The following NDOR1 variants were observed in gnomAD, a reference collection of about 807,000 sequenced individuals.
NDOR1 encodes the protein NADPH-dependent diflavin oxidoreductase 1.
In NDOR1, 61 loss-of-function variants were observed where a neutral mutation model predicts 67.2. That is an observed-to-expected ratio of 0.91 (90% CI 0.74 to 1.12). The LOEUF (loss-of-function observed/expected upper bound fraction) is 1.12. NDOR1 is among the 50% of genes most tolerant of loss of function. The pLI is 0.00. For missense variants in NDOR1, 878 were observed against 802.8 expected (o/e 1.09, Z -1.13); for synonymous variants, 378 against 343.7 (o/e 1.10, Z -1.10).
intron 2 of NDOR1, 85 bp downstream of exon 2, chr9:137,206,394 T>C: frequency 7.4e-7 from 1 of 1,357,406 alleles, no homozygotes; most frequent in Non-Finnish European, 1.1e-6. Flanking sequence ...GTGCAGTAAA[T>C]AGCTCTCCTT....
intron 6 of NDOR1, 53 bp downstream of exon 6, chr9:137,214,466 G>A (rs1303321490): frequency 1.6e-5 from 24 of 1,476,556 alleles, no homozygotes; most frequent in African/African-American, 5.1e-5. Context: ...CGTGGGTCTG[G>A]GGTTCGGAGG....
At position 137,212,605 on chromosome 9, in the gene NDOR1, T is replaced by C; in HGVS notation, c.311+6T>C. ...GGGGACTCCTCATACGCCAAGTGAG[T>C]AGGGGATGGGACAGTGGGCGGACGG... On this transcript the variant is annotated splice_donor_region_variant and intron_variant, in intron 3 of 13. Coordinates refer to ENST00000684003, the MANE Select transcript of NDOR1 (RefSeq NM_014434.4). The surrounding 1 kb of genome is among the most constrained non-coding windows in gnomAD (Gnocchi z 4.3). 3 of 1,609,862 alleles carry C rather than the reference T, an allele frequency of 1.9e-6. No individual in the cohort carries two copies. Among genetic ancestry groups the C allele is most frequent in the Non-Finnish European group, 1.7e-6 (2 of 1,176,430 alleles).
Position 137,213,950 on chromosome 9 carries a change from C to G in NDOR1, c.411-17C>G, listed in dbSNP as rs1835389059. The stretch of plus-strand genomic sequence containing the variant: ...CACGCAGGGTCCGCTCAGGCCAGCG[C>G]ACGTGCTCCCTCCCAGGCCCGACGC... On this transcript the variant is annotated splice_polypyrimidine_tract_variant and intron_variant, in intron 4 of 13. Transcript: ENST00000684003. 6.4e-7 allele frequency: 1 copy of G among 1,570,962 alleles called. No individual in the cohort carries two copies. Among genetic ancestry groups the G allele is most frequent in the Non-Finnish European group, 8.6e-7 (1 of 1,159,348 alleles).
rs767926013 is a variant in NDOR1 at position 137,216,012 on chromosome 9, G to T, written c.1549G>T (p.Glu517Ter). The change falls in exon 12 of 14, where the codon GAA becomes TAA. Residue 517 changes from glutamate to a stop codon, truncating the protein, a stop_gained. Coordinates refer to ENST00000684003, the MANE Select transcript of NDOR1 (RefSeq NM_014434.4). LOFTEE classifies it high-confidence loss of function. The stretch of plus-strand genomic sequence containing the variant: ...GACCCTCATCCCTGCCTTCTCCCGG[G>T]AACAGGTGTGTATGCTCAGGGGCTG... ...CLTLIPAFSR[E>*]QEQKVYVQHR... 6.8e-6 allele frequency: 11 copies of T among 1,613,562 alleles called. No individual in the cohort carries two copies. The highest frequency in any genetic ancestry group is 5.1e-6 in the Non-Finnish European group (6 of 1,180,020).
Position 137,215,392 on chromosome 9 carries a change from C to A in NDOR1, c.1174-15C>A. The A allele has an allele frequency of 1.2e-6, 2 of 1,600,342 alleles. No homozygotes were observed. Among genetic ancestry groups the A allele is most frequent in the Non-Finnish European group, 1.7e-6 (2 of 1,168,390 alleles). ...CAGCCTTGTTCCACCACCCCCACCC[C>A]GCCGTCCTCCCCAGACTCACCCCTC... On this transcript the variant is annotated splice_polypyrimidine_tract_variant and intron_variant, in intron 9 of 13. Coordinates refer to ENST00000684003, the MANE Select transcript of NDOR1 (RefSeq NM_014434.4).
At chr9:137,210,403 T>TG (rs1207326913) in intron 2 of NDOR1, among the ~76,000 whole-genome samples, 1 of 151,872 alleles carries the variant, frequency 6.6e-6, no homozygotes, top group African/African-American at 2.4e-5. Context: ...TTTTTTTTTT[T>TG]TGTATTTTTT....
At chr9:137,211,616 C>T (rs562848525) in intron 2 of NDOR1, among the ~76,000 whole-genome samples, 4 of 151,700 alleles carry the variant, frequency 2.6e-5, no homozygotes, top group Admixed American at 2.0e-4. Context: ...AACAGCAGGG[C>T]GCTAGGGAGG....
Position 137,215,991 on chromosome 9 carries a change from C to G in NDOR1, c.1528C>G (p.Leu510Val), listed in dbSNP as rs112987747. Residue 510 changes from leucine (L) to valine (V), a missense_variant, in exon 12 of 14, where the codon CTC becomes GTC. Transcript: ENST00000684003. ...GCTGGAGAAGCGGGACTGTCTGACC[C>G]TCATCCCTGCCTTCTCCCGGGAACA... ...QELEKRDCLTLIPAFSREQEQ... is the reference protein window; with the variant it reads ...QELEKRDCLTVIPAFSREQEQ... 29 of 1,613,406 alleles carry G rather than the reference C, an allele frequency of 1.8e-5. No homozygotes were observed. In the African/African-American group the frequency reaches 2.7e-4, roughly 15 times the overall value.
At position 137,213,971 on chromosome 9, in the gene NDOR1, G is replaced by A. The variant is rs930354664; in HGVS notation, c.415G>A (p.Asp139Asn). Reference sequence around the variant, plus strand: ...AGCGCACGTGCTCCCTCCCAGGCCCGACGCTGCTGTGGACCCCTGGCTGCG... The same window carrying A: ...AGCGCACGTGCTCCCTCCCAGGCCCAACGCTGCTGTGGACCCCTGGCTGCG... ...LGDDQHELGP[D>N]AAVDPWLRDL... Residue 139 changes from aspartate to asparagine, a missense_variant, in exon 5 of 14, where the codon GAC becomes AAC. Coordinates refer to ENST00000684003, the MANE Select transcript of NDOR1 (RefSeq NM_014434.4). The A allele has an allele frequency of 4.5e-6, 7 of 1,560,866 alleles. No homozygotes were observed. In the African/African-American group the frequency reaches 5.4e-5, roughly 12 times the overall value.
intron 2 of NDOR1, among the ~76,000 whole-genome samples, chr9:137,211,636 G>C (rs374354448): frequency 4.2e-4 from 64 of 152,296 alleles, no homozygotes; most frequent in African/African-American, 1.3e-3. Context: ...GGTCTCGGGG[G>C]CAAGAGGCTG....
In NDOR1 at chr9:137,214,977, C is replaced by T; in HGVS notation, c.1024C>T (p.Leu342Phe). The T allele has an allele frequency of 6.2e-7, 1 of 1,613,490 alleles. No individual in the cohort carries two copies. Among genetic ancestry groups the T allele is most frequent in the East Asian group, 2.2e-5 (1 of 44,872 alleles). The stretch of plus-strand genomic sequence containing the variant: ...CAGTTCTGCCCAAGGCCAGGAGGAG[C>T]TCTTTGAATACTGCAACCGGCCCCG... ...EFSSAQGQEE[L>F]FEYCNRPRRT... The change falls in exon 8 of 14, where the codon CTC (leucine) becomes TTC (phenylalanine). Residue 342 changes from leucine to phenylalanine, a missense_variant. Physicochemically the swap from Leu to Phe is conservative, Grantham distance 22. Transcript: ENST00000684003.
Position 137,206,256 on chromosome 9 carries a change from G to A in NDOR1, c.160G>A (p.Val54Met), listed in dbSNP as rs758671394. 2 of 1,613,978 alleles carry A rather than the reference G, an allele frequency of 1.2e-6. No homozygotes were observed. The highest frequency in any genetic ancestry group is 1.7e-6 in the Non-Finnish European group (2 of 1,179,990). ...PVVNLINEPL[V>M]IFVCATTGQG... Reference sequence around the variant, plus strand: ...GGTGAATCTGATTAACGAGCCCCTGGTGATATTTGTTTGTGCAACTACAGG... The same window carrying A: ...GGTGAATCTGATTAACGAGCCCCTGATGATATTTGTTTGTGCAACTACAGG... Residue 54 changes from valine to methionine, a missense_variant, in exon 2 of 14, where the codon GTG (valine) becomes ATG (methionine). Transcript: ENST00000684003.
At chr9:137,210,450 T>C (rs1835199987) in intron 2 of NDOR1, among the ~76,000 whole-genome samples, 1 of 151,854 alleles carries the variant, frequency 6.6e-6, no homozygotes, top group African/African-American at 2.4e-5. Context: ...GCTCAAGCAG[T>C]CTGCCTGCCT....
chr9:137,212,788 G>T lies in NDOR1; in HGVS notation c.311+189G>T. 1 of 592,780 alleles carries T rather than the reference G, an allele frequency of 1.7e-6. No individual in the cohort carries two copies. Among genetic ancestry groups the T allele is most frequent in the East Asian group, 2.8e-5 (1 of 35,412 alleles). The allele number at this position is 592,780 out of a possible 1,614,324, so 36.7% of individuals were successfully genotyped here. ...GGCTTCACGCTGCGGGGAGGGCACA[G>T]AGGGGAGCAGGCAGGGTGGCAAAGG... On this transcript the variant is annotated intron_variant, in intron 3 of 13. Coordinates refer to ENST00000684003, the MANE Select transcript of NDOR1 (RefSeq NM_014434.4). This position sits in a 1 kb window ranked among gnomAD's most constrained non-coding sequence, Gnocchi z 4.3.
Position 137,207,236 on chromosome 9 carries a change from G to GC in NDOR1, c.213+927_213+928insC. The stretch of plus-strand genomic sequence containing the variant: ...GCAGATGCTACCGATCTGAGCTGAA[G>GC]TGGTGGCAGAAGATAGAAGTGGACA... On this transcript the variant is annotated intron_variant, in intron 2 of 13. Transcript: ENST00000684003. 1.3e-5 allele frequency among the ~76,000 whole-genome samples: 2 copies of GC among 152,114 alleles called. 1 individual carries two copies. The highest frequency in any genetic ancestry group is 3.9e-4 in the East Asian group (2 of 5,150).
rs1172660688 is a variant in NDOR1 at position 137,214,836 on chromosome 9, A to G, written c.883A>G (p.Met295Val). 6.2e-7 allele frequency: 1 copy of G among 1,608,390 alleles called. No individual in the cohort carries two copies. The highest frequency in any genetic ancestry group is 2.2e-5 in the East Asian group (1 of 44,870). The change falls in exon 8 of 14, where the codon ATG becomes GTG. Residue 295 changes from methionine to valine, a missense_variant. Met to Val is a conservative substitution (Grantham distance 21, BLOSUM62 1). Transcript: ENST00000684003. ...CACGAGGCTGCCCCAGCCCTGCTCCATGCGGCACCTCGTGTCCCACTACCT... is the reference window on the plus strand; with the variant it reads ...CACGAGGCTGCCCCAGCCCTGCTCCGTGCGGCACCTCGTGTCCCACTACCT... ...SPTRLPQPCS[M>V]RHLVSHYLDI...
rs1041524613 is a variant in NDOR1, at chr9:137,216,466, A to G, written c.*50A>G. 6.4e-7 allele frequency: 1 copy of G among 1,567,824 alleles called. No homozygotes were observed. The highest frequency in any genetic ancestry group is 8.6e-7 in the Non-Finnish European group (1 of 1,160,792). On this transcript the variant is annotated 3_prime_UTR_variant, in exon 14 of 14. Coordinates refer to ENST00000684003, the MANE Select transcript of NDOR1 (RefSeq NM_014434.4). Reference sequence around the variant, plus strand: ...CTGACAGCCATCCTCCTGGGAGCCCAGGAAGGCATCCACGAGGGAGCTCCT... The same window carrying G: ...CTGACAGCCATCCTCCTGGGAGCCCGGGAAGGCATCCACGAGGGAGCTCCT...
rs529133842 is a variant in NDOR1, at chr9:137,218,214, C to G, written c.*1798C>G. Reference sequence around the variant, plus strand: ...GCCGACCTGGGCCGGGTGCGCTGCCCGCTGTGCCGCCAGAAGACGCCCGTG... The same window carrying G: ...GCCGACCTGGGCCGGGTGCGCTGCCGGCTGTGCCGCCAGAAGACGCCCGTG... On this transcript the variant is annotated 3_prime_UTR_variant, in exon 14 of 14. Coordinates refer to ENST00000684003, the MANE Select transcript of NDOR1 (RefSeq NM_014434.4). The G allele has an allele frequency of 1.5e-5, 6 of 398,418 alleles. No homozygotes were observed. The highest frequency in any genetic ancestry group is 1.3e-4 in the South Asian group (1 of 7,876). 24.7% of individuals were successfully genotyped at this position (398,418 alleles called of 1,614,324 possible).
At position 137,217,150 on chromosome 9, in the gene NDOR1, C is replaced by T. The variant is rs181150921; in HGVS notation, c.*734C>T. On this transcript the variant is annotated 3_prime_UTR_variant, in exon 14 of 14. Transcript: ENST00000684003. ...TGGGTGGGCGTCCTCTAGCTCCTCC[C>T]GGTGCCCTGGGTGCTGGGTGCTGGA... The T allele has an allele frequency of 2.9e-4, 54 of 183,744 alleles. No homozygotes were observed. The highest frequency in any genetic ancestry group is 4.6e-4 in the Non-Finnish European group (41 of 89,142). The allele number at this position is 183,744 out of a possible 1,614,324, so 11.4% of individuals were successfully genotyped here. A position where few individuals can be genotyped will look rare whatever the true frequency, so the allele number is the denominator to read the frequency against.
Sources: allele counts gnomAD v4.1 joint callset (sites outside exome capture counted in the v4.1 genomes callset), GRCh38; gene constraint gnomAD v4.1.1; non-coding constraint Gnocchi (gnomAD v3.1); transcripts MANE v1.5; gene names NCBI Gene and HGNC (gene_info 2026-07-23, HGNC 2026-07-21).